The following NUBPL variants were observed in gnomAD, a reference collection of about 807,000 sequenced individuals.
NUBPL encodes iron-sulfur cluster transfer protein NUBPL.
In NUBPL, 31 loss-of-function variants were observed where a neutral mutation model predicts 45.7. That is an observed-to-expected ratio of 0.68 (90% CI 0.51 to 0.92). NUBPL has a LOEUF of 0.92. Ranked by LOEUF, NUBPL falls within the 40% of genes least tolerant of loss-of-function variation. The pLI, the probability that NUBPL is intolerant of heterozygous loss-of-function variation, is 0.00. For missense variants in NUBPL, 401 were observed against 398.7 expected (o/e 1.01, Z -0.05); for synonymous variants, 144 against 140.9 (o/e 1.02, Z -0.15).
chr14:31,724,907 A>C (rs2037887187), intron 6 of NUBPL, among the ~76,000 whole-genome samples: 1 of 152,122 alleles, frequency 6.6e-6, no homozygotes, highest in South Asian at 2.1e-4. Flanking sequence ...TTAAGCAGAG[A>C]CTTGAATGGA....
intron 6 of NUBPL, among the ~76,000 whole-genome samples, chr14:31,779,560 C>T (rs1193354820): frequency 1.3e-5 from 2 of 152,058 alleles, no homozygotes; most frequent in Non-Finnish European, 2.9e-5. Context: ...TCTGATATTA[C>T]ACTAGTAATA....
intron 4 of NUBPL, among the ~76,000 whole-genome samples, chr14:31,614,877 T>C (rs949271163): frequency 3.9e-5 from 6 of 152,174 alleles, no homozygotes; most frequent in African/African-American, 1.4e-4. Context: ...AACCTAGAGA[T>C]GGTAACTAAA....
At chr14:31,627,116 G>A (rs1428978675) in intron 4 of NUBPL, among the ~76,000 whole-genome samples, 1 of 152,194 alleles carries the variant, frequency 6.6e-6, no homozygotes, top group Admixed American at 6.5e-5. Flanking sequence ...GTAAGCACCA[G>A]TGCATATTGT....
intron 6 of NUBPL, among the ~76,000 whole-genome samples, chr14:31,675,273 A>G (rs1053862223): frequency 7.2e-5 from 11 of 152,248 alleles, no homozygotes; most frequent in African/African-American, 2.7e-4. Flanking sequence ...GAGGTTACCT[A>G]GAGTATATCT....
At chr14:31,562,641 T>C (rs2033325781) in intron 2 of NUBPL, among the ~76,000 whole-genome samples, 1 of 141,534 alleles carries the variant, frequency 7.1e-6, no homozygotes, top group Admixed American at 7.5e-5. Context: ...TCTCGCTCTG[T>C]CACCCAGGCT....
At chr14:31,595,274 A>G (rs999175540) in intron 3 of NUBPL, among the ~76,000 whole-genome samples, 26 of 152,198 alleles carry the variant, frequency 1.7e-4, no homozygotes, top group African/African-American at 6.0e-4. Flanking sequence ...GGTTTGATCT[A>G]TCTTGTTTTA....
chr14:31,706,290 G>A (rs1490328878), intron 6 of NUBPL, among the ~76,000 whole-genome samples: 1 of 152,212 alleles, frequency 6.6e-6, no homozygotes, highest in Non-Finnish European at 1.5e-5. Flanking sequence ...TTAGGCCAGT[G>A]GAAGGGCCAG....
chr14:31,729,286 C>CA (rs932724604), intron 6 of NUBPL, among the ~76,000 whole-genome samples: 15 of 146,482 alleles, frequency 1.0e-4, no homozygotes, highest in East Asian at 6.1e-4. Flanking sequence ...CCCCCCCCCC[C>CA]CCAAAAAAAA....
chr14:31,731,201 T>C (rs1171846028), intron 6 of NUBPL, among the ~76,000 whole-genome samples: 3 of 152,164 alleles, frequency 2.0e-5, no homozygotes, highest in African/African-American at 7.2e-5. Context: ...AGATTAGATA[T>C]AGGTGTAAAG....
intron 4 of NUBPL, among the ~76,000 whole-genome samples, chr14:31,624,819 C>T (rs944139738): frequency 3.3e-5 from 5 of 152,192 alleles, no homozygotes; most frequent in African/African-American, 1.2e-4. Flanking sequence ...CCTGCCTTGG[C>T]CTCCCAAAGT....
At chr14:31,825,484 G>A (rs1044667421) in intron 7 of NUBPL, among the ~76,000 whole-genome samples, 1 of 143,796 alleles carries the variant, frequency 7.0e-6, no homozygotes, top group African/African-American at 2.6e-5. Flanking sequence ...TTTTCTTCTT[G>A]TTCTTTCTTC....
chr14:31,826,138 T>G (rs1484716802), intron 7 of NUBPL, among the ~76,000 whole-genome samples: 1 of 152,174 alleles, frequency 6.6e-6, no homozygotes, highest in East Asian at 1.9e-4. Context: ...TTTTTTGTTT[T>G]GAGATGAAGT....
At chr14:31,847,089 C>A (rs1255879488) in intron 9 of NUBPL, among the ~76,000 whole-genome samples, 1 of 152,098 alleles carries the variant, frequency 6.6e-6, no homozygotes, top group Non-Finnish European at 1.5e-5. Context: ...GTTCTGTCAA[C>A]TATGATAATT....
intron 4 of NUBPL, among the ~76,000 whole-genome samples, chr14:31,642,629 A>G (rs2035736699): frequency 6.6e-6 from 1 of 152,146 alleles, no homozygotes; most frequent in Non-Finnish European, 1.5e-5. Flanking sequence ...TGATGCATCC[A>G]TCTTTGTTCT....
intron 6 of NUBPL, among the ~76,000 whole-genome samples, chr14:31,729,019 G>A (rs1253152770): frequency 3.3e-5 from 5 of 152,134 alleles, no homozygotes; most frequent in Non-Finnish European, 7.4e-5. Flanking sequence ...GGTGGCTCAC[G>A]CCTGTAATCC....
intron 6 of NUBPL, among the ~76,000 whole-genome samples, chr14:31,747,072 C>CAAA (rs371061163): frequency 0.038 from 2,455 of 65,396 alleles, 26 homozygotes; most frequent in African/African-American, 0.084. Context: ...AACCTGTCTC[C>CAAA]AAAAAAAAAA....
chr14:31,772,639 C>A (rs1464534872), intron 6 of NUBPL, among the ~76,000 whole-genome samples: 4 of 152,058 alleles, frequency 2.6e-5, no homozygotes, highest in Non-Finnish European at 5.9e-5. Context: ...AAAGATTGAC[C>A]CATGTATCAA....
chr14:31,818,286 C>T (rs1415756360), intron 7 of NUBPL, among the ~76,000 whole-genome samples: 2 of 152,160 alleles, frequency 1.3e-5, no homozygotes, highest in Non-Finnish European at 2.9e-5. Flanking sequence ...AGGACTTGAA[C>T]TCAGCCTGGA....
In NUBPL at chr14:31,746,257, G is replaced by T. The variant is rs1377721330; in HGVS notation, c.514-41523G>T. Among the ~76,000 whole-genome samples the T allele has an allele frequency of 1.3e-5, 2 of 151,944 alleles. 1 individual carries two copies. Among genetic ancestry groups the T allele is most frequent in the African/African-American group, 4.9e-5 (2 of 41,232 alleles). On this transcript the variant is annotated intron_variant, in intron 6 of 10. Transcript: ENST00000281081. ...AAGAGTGGCAAGAGTGGGCATCCTT[G>T]TCTTGTTCCAGTTCCTAGAGGAAAA...
Sources: allele counts gnomAD v4.1 joint callset (sites outside exome capture counted in the v4.1 genomes callset), GRCh38; gene constraint gnomAD v4.1.1; transcripts MANE v1.5; gene names NCBI Gene and HGNC (gene_info 2026-07-23, HGNC 2026-07-21).